Variants in TANGO6 observed in about 807,000 individuals in gnomAD.
The protein encoded by TANGO6 is transport and golgi organization 6 homolog, also known as transport and Golgi organization protein 6 homolog.
A neutral mutation model predicts 114.2 loss-of-function variants in TANGO6; 90 were observed. That is an observed-to-expected ratio of 0.79 (90% CI 0.66 to 0.94). The LOEUF (loss-of-function observed/expected upper bound fraction) is 0.94. Ranked by LOEUF, TANGO6 falls within the 40% of genes least tolerant of loss-of-function variation. The pLI, the probability that TANGO6 is intolerant of heterozygous loss-of-function variation, is 0.00. For missense variants in TANGO6, 1,274 were observed against 1,315.3 expected (o/e 0.97, Z 0.49); for synonymous variants, 477 against 509.8 (o/e 0.94, Z 0.87).
At chr16:68,888,331 G>C (rs897675175) in intron 7 of TANGO6, among the ~76,000 whole-genome samples, 3 of 152,172 alleles carry the variant, frequency 2.0e-5, no homozygotes, top group African/African-American at 7.2e-5. Context: ...TCTTTGCCTA[G>C]AGAGGTGAAG....
chr16:69,019,836 C>A (rs559185455), intron 15 of TANGO6, among the ~76,000 whole-genome samples: 3 of 152,294 alleles, frequency 2.0e-5, no homozygotes, highest in Non-Finnish European at 4.4e-5. Flanking sequence ...CCGTGCCCAG[C>A]CTACTTTGGG....
chr16:68,874,915 A>G (rs1416610390), intron 4 of TANGO6, among the ~76,000 whole-genome samples: 1 of 152,172 alleles, frequency 6.6e-6, no homozygotes, highest in Non-Finnish European at 1.5e-5. Flanking sequence ...ATGCCACTAC[A>G]TTCCAGCCTG....
chr16:69,022,238 A>G (rs1024891006), intron 15 of TANGO6, among the ~76,000 whole-genome samples: 1 of 152,258 alleles, frequency 6.6e-6, no homozygotes, highest in South Asian at 2.1e-4. Flanking sequence ...AATAACTGCT[A>G]GTAACACTAT....
intron 12 of TANGO6, 100 bp downstream of exon 12, chr16:68,919,319 T>C (rs2052084768): frequency 1.4e-6 from 2 of 1,410,966 alleles, no homozygotes; most frequent in Non-Finnish European, 9.5e-7. Flanking sequence ...GAATGGATAT[T>C]GTACATAGGA....
intron 7 of TANGO6, among the ~76,000 whole-genome samples, chr16:68,896,856 G>A (rs1022659358): frequency 1.3e-5 from 2 of 152,038 alleles, no homozygotes; most frequent in African/African-American, 2.4e-5. Flanking sequence ...GTTTCTATCC[G>A]TGAACTTGGT....
intron 17 of TANGO6, among the ~76,000 whole-genome samples, chr16:69,076,415 C>A (rs1034255577): frequency 2.0e-5 from 3 of 152,030 alleles, no homozygotes; most frequent in Non-Finnish European, 4.4e-5. Context: ...CATTTACATT[C>A]GACCAACACT....
rs1960502620 is a variant in TANGO6 at position 69,083,848 on chromosome 16, C to T, written c.*187C>T. ...CGAGGGCATGTGTTCAGCACTCCCG[C>T]GTTCAGCCTGAGGGGTGTACAGTTA... On this transcript the variant is annotated 3_prime_UTR_variant, in exon 18 of 18. Transcript: ENST00000261778. The T allele has an allele frequency of 6.8e-6, 4 of 587,268 alleles. No homozygotes were observed. The highest frequency in any genetic ancestry group is 3.1e-5 in the Admixed American group (1 of 32,776). 36.4% of individuals were successfully genotyped at this position (587,268 alleles called of 1,614,324 possible).
At chr16:68,972,354 A>G (rs571207566) in intron 14 of TANGO6, among the ~76,000 whole-genome samples, 1 of 152,090 alleles carries the variant, frequency 6.6e-6, no homozygotes, top group Non-Finnish European at 1.5e-5. Flanking sequence ...TGTGGATGTG[A>G]TTTAGAAGAG....
At chr16:68,876,042 G>A (rs867033764) in intron 5 of TANGO6, among the ~76,000 whole-genome samples, 10 of 152,196 alleles carry the variant, frequency 6.6e-5, no homozygotes, top group Non-Finnish European at 1.3e-4. Flanking sequence ...TTTCTTTCCA[G>A]AGATATTCTG....
intron 14 of TANGO6, among the ~76,000 whole-genome samples, chr16:68,940,590 T>A (rs1963342713): frequency 6.6e-6 from 1 of 152,040 alleles, no homozygotes; most frequent in East Asian, 1.9e-4. Context: ...GACAGTTTGG[T>A]GAACTTTCTA....
chr16:68,907,891 T>C (rs1962874400), intron 10 of TANGO6, among the ~76,000 whole-genome samples: 1 of 152,210 alleles, frequency 6.6e-6, no homozygotes, highest in South Asian at 2.1e-4. Context: ...AGAACTCTTT[T>C]GAAGTTAATA....
intron 7 of TANGO6, among the ~76,000 whole-genome samples, chr16:68,898,417 C>A (rs1962736464): frequency 6.6e-6 from 1 of 152,168 alleles, no homozygotes; most frequent in Non-Finnish European, 1.5e-5. Context: ...TCTTTAGTTT[C>A]ATGAACAACG....
intron 1 of TANGO6, among the ~76,000 whole-genome samples, chr16:68,854,971 CT>C (rs1961961256): frequency 6.6e-6 from 1 of 150,770 alleles, no homozygotes; most frequent in Non-Finnish European, 1.5e-5. Context: ...ATTGCGTTGA[CT>C]TTATAGATCA....
At chr16:69,026,624 C>A in intron 16 of TANGO6, 1 of 154,124 alleles carries the variant, frequency 6.5e-6, no homozygotes. Flanking sequence ...GTAGGCTAGG[C>A]CTGCTAGCTG....
rs116722054 is a variant in TANGO6 at position 68,900,805 on chromosome 16, A to G, written c.1490+259A>G. Among the ~76,000 whole-genome samples, 3,896 of 152,306 alleles carry G rather than the reference A, an allele frequency of 0.026. 167 individuals carry two copies. The highest frequency in any genetic ancestry group is 0.089 in the African/African-American group (3,705 of 41,552). ...TCTCAAAGACAAAATCTCTGTTTAC[A>G]TGTGTAAACATGCCACTTTTCGATC... On this transcript the variant is annotated intron_variant, in intron 8 of 17. Coordinates refer to ENST00000261778, the MANE Select transcript of TANGO6 (RefSeq NM_024562.2).
At chr16:68,959,733 A>G (rs1293097839) in intron 14 of TANGO6, among the ~76,000 whole-genome samples, 1 of 152,206 alleles carries the variant, frequency 6.6e-6, no homozygotes, top group African/African-American at 2.4e-5. Flanking sequence ...CACTTGGAGG[A>G]TGTGAAAGAT....
intron 15 of TANGO6, among the ~76,000 whole-genome samples, chr16:69,004,654 C>G (rs971999158): frequency 2.6e-5 from 4 of 152,102 alleles, no homozygotes; most frequent in Non-Finnish European, 4.4e-5. Flanking sequence ...GTACCCAGCC[C>G]CAAATTATTT....
intron 16 of TANGO6, among the ~76,000 whole-genome samples, chr16:69,037,099 G>A (rs933760155): frequency 7.0e-5 from 10 of 143,288 alleles, no homozygotes; most frequent in Non-Finnish European, 3.0e-5. Flanking sequence ...TCGTGCTACT[G>A]CACTCCAGCC....
rs112390285 is a variant in TANGO6 at position 68,990,322 on chromosome 16, C to T, written c.2842+16154C>T. On this transcript the variant is annotated intron_variant, in intron 15 of 17. Transcript: ENST00000261778. The stretch of plus-strand genomic sequence containing the variant: ...GAGGCCTCACAATTATGGCAGAAGG[C>T]AAGGAGGAGCAAAGCCACATCTTGC... Among the ~76,000 whole-genome samples the T allele has an allele frequency of 4.4e-3, 670 of 152,196 alleles. 2 individuals carry two copies. Among genetic ancestry groups the T allele is most frequent in the African/African-American group, 0.015 (633 of 41,532 alleles).
Sources: allele counts gnomAD v4.1 joint callset (sites outside exome capture counted in the v4.1 genomes callset), GRCh38; gene constraint gnomAD v4.1.1; transcripts MANE v1.5; gene names NCBI Gene and HGNC (gene_info 2026-07-23, HGNC 2026-07-21).